TTC7B: variants seen among roughly 807,000 people sequenced by gnomAD.
TTC7B encodes tetratricopeptide repeat protein 7B.
Under a neutral mutation model 106.8 loss-of-function variants are expected in TTC7B, and 28 were observed. That is an observed-to-expected ratio of 0.26 (90% CI 0.19 to 0.36). The LOEUF is 0.36. Ranked by LOEUF, TTC7B falls within the 10% of genes least tolerant of loss-of-function variation. TTC7B has a pLI of 1.00. For synonymous variants in TTC7B, 405 were observed against 430.6 expected (o/e 0.94, Z 0.74); for missense variants, 862 against 1,076.4 (o/e 0.80, Z 2.79).
intron 4 of TTC7B, among the ~76,000 whole-genome samples, chr14:90,740,968 A>T (rs1335718142): frequency 1.3e-5 from 2 of 152,254 alleles, no homozygotes; most frequent in Non-Finnish European, 2.9e-5. Context: ...TGGGAGGCAC[A>T]TGAGTTAACC....
rs1889351200 is a variant in TTC7B, at chr14:90,533,983, C to T, written c.*7385G>A. The stretch of plus-strand genomic sequence containing the variant: ...ACCTGGCACACACCACCTCTGACAG[C>T]TGCCTGCAGACTCACATCTCAGCCC... On this transcript the variant is annotated 3_prime_UTR_variant, in exon 20 of 20. Coordinates refer to ENST00000328459, the MANE Select transcript of TTC7B (RefSeq NM_001010854.2). The T allele has an allele frequency of 6.6e-6, 1 of 152,332 alleles. No individual in the cohort carries two copies. The highest frequency in any genetic ancestry group is 2.4e-5 in the African/African-American group (1 of 41,464). 9.4% of individuals were successfully genotyped at this position (152,332 alleles called of 1,614,324 possible).
intron 4 of TTC7B, among the ~76,000 whole-genome samples, chr14:90,740,437 G>GA (rs1224582288): frequency 6.7e-6 from 1 of 150,238 alleles, no homozygotes; most frequent in African/African-American, 2.4e-5. Flanking sequence ...ACAAGAAAGG[G>GA]AAAAGCAAAT....
intron 1 of TTC7B, among the ~76,000 whole-genome samples, chr14:90,787,917 C>G (rs1330298786): frequency 6.6e-6 from 1 of 152,164 alleles, no homozygotes; most frequent in Non-Finnish European, 1.5e-5. Flanking sequence ...AATCCCAACA[C>G]TTTGGGAGGC....
chr14:90,598,379 AC>A (rs1158486848), intron 17 of TTC7B, among the ~76,000 whole-genome samples: 8 of 152,178 alleles, frequency 5.3e-5, no homozygotes, highest in Admixed American at 2.0e-4. Context: ...TATCTTGGAC[AC>A]CTGATACAGA....
At position 90,592,484 on chromosome 14, in the gene TTC7B, G is replaced by A. The variant is rs1285944432; in HGVS notation, c.2107+1002C>T. On this transcript the variant is annotated intron_variant, in intron 18 of 19. Coordinates refer to ENST00000328459, the MANE Select transcript of TTC7B (RefSeq NM_001010854.2). ...AGCAATTTGGGAGGCCAAGGTGGAC[G>A]GATCACCTGAGGTCAGGAGTTCGAG... Among the ~76,000 whole-genome samples, 7 of 152,158 alleles carry A rather than the reference G, an allele frequency of 4.6e-5. No individual in the cohort carries two copies. The South Asian group carries it at 8.3e-4, about 18-fold the overall frequency.
intron 5 of TTC7B, among the ~76,000 whole-genome samples, chr14:90,709,944 TTCTC>T (rs1888372485): frequency 7.2e-6 from 1 of 139,712 alleles, no homozygotes; most frequent in Non-Finnish European, 1.6e-5. Flanking sequence ...TTTTTATAGT[TTCTC>T]TTTCGTTAAA....
rs1257384923 is a variant in TTC7B, at chr14:90,526,889, C to T, written c.*14479G>A. 6.6e-6 allele frequency: 1 copy of T among 152,118 alleles called. No individual in the cohort carries two copies. Among genetic ancestry groups the T allele is most frequent in the Non-Finnish European group, 1.5e-5 (1 of 68,028 alleles). 9.4% of individuals were successfully genotyped at this position (152,118 alleles called of 1,614,324 possible). On this transcript the variant is annotated 3_prime_UTR_variant, in exon 20 of 20. Transcript: ENST00000328459. ...ATAAATTACCTAGTCTCGGGTATGTCTTTATTAGCTGCATGAGGACGTACT... is the reference window on the plus strand; with the variant it reads ...ATAAATTACCTAGTCTCGGGTATGTTTTTATTAGCTGCATGAGGACGTACT...
At chr14:90,555,253 C>T (rs1056440388) in intron 19 of TTC7B, among the ~76,000 whole-genome samples, 3 of 152,212 alleles carry the variant, frequency 2.0e-5, no homozygotes, top group Admixed American at 1.3e-4. Flanking sequence ...GGGGGAGAAG[C>T]TCCGAGGACA....
At chr14:90,692,529 A>C (rs931049541) in intron 6 of TTC7B, among the ~76,000 whole-genome samples, 1 of 152,258 alleles carries the variant, frequency 6.6e-6, no homozygotes, top group South Asian at 2.1e-4. Context: ...TCTAACGTCC[A>C]ATGTAAATCA....
At position 90,528,535 on chromosome 14, in the gene TTC7B, G is replaced by C. The variant is rs549672105; in HGVS notation, c.*12833C>G. 1 of 153,026 alleles carries C rather than the reference G, an allele frequency of 6.5e-6. No homozygotes were observed. Among genetic ancestry groups the C allele is most frequent in the Non-Finnish European group, 1.5e-5 (1 of 68,772 alleles). 9.5% of individuals were successfully genotyped at this position (153,026 alleles called of 1,614,324 possible). A position where few individuals can be genotyped will look rare whatever the true frequency, so the allele number is the denominator to read the frequency against. On this transcript the variant is annotated 3_prime_UTR_variant, in exon 20 of 20. Coordinates refer to ENST00000328459, the MANE Select transcript of TTC7B (RefSeq NM_001010854.2). The stretch of plus-strand genomic sequence containing the variant: ...TTACCCGTTTCTGATGGCATGACCC[G>C]ACTGCACTTTGTTACCTGTTTTGAT...
intron 5 of TTC7B, chr14:90,697,661 G>A (rs1240398955): frequency 6.6e-6 from 1 of 152,226 alleles, no homozygotes; most frequent in Non-Finnish European, 1.5e-5. Context: ...TCCAGTGAAT[G>A]CGGGTAATGC....
intron 3 of TTC7B, among the ~76,000 whole-genome samples, 195 bp downstream of exon 3, chr14:90,780,543 T>C (rs1891183937): frequency 6.6e-6 from 1 of 151,510 alleles, no homozygotes; most frequent in African/African-American, 2.4e-5. Context: ...TGACAGCTGA[T>C]GGCCACTGGC....
chr14:90,804,144 G>A (rs924473177), intron 1 of TTC7B, among the ~76,000 whole-genome samples: 28 of 152,100 alleles, frequency 1.8e-4, no homozygotes, highest in African/African-American at 6.3e-4. Context: ...GACCATCCTG[G>A]CTAACACGGT....
chr14:90,761,185 C>T (rs1890488098), intron 3 of TTC7B, among the ~76,000 whole-genome samples: 1 of 141,244 alleles, frequency 7.1e-6, no homozygotes, highest in Admixed American at 6.8e-5. Flanking sequence ...TGAAGGACCA[C>T]CAGGTTAGGA....
At chr14:90,797,466 A>G (rs963900792) in intron 1 of TTC7B, among the ~76,000 whole-genome samples, 9 of 150,572 alleles carry the variant, frequency 6.0e-5, no homozygotes, top group African/African-American at 9.7e-5. Context: ...TAAAGAAAAA[A>G]AAAGCCTCAG....
At chr14:90,634,149 C>G (rs1884825088) in intron 15 of TTC7B, among the ~76,000 whole-genome samples, 1 of 152,088 alleles carries the variant, frequency 6.6e-6, no homozygotes, top group Non-Finnish European at 1.5e-5. Context: ...AGTGCTGGGA[C>G]TATAGGCATG....
At chr14:90,764,046 C>T (rs1890593175) in intron 3 of TTC7B, among the ~76,000 whole-genome samples, 1 of 152,068 alleles carries the variant, frequency 6.6e-6, no homozygotes. Context: ...AACACACTCC[C>T]CAAACTCAAA....
At chr14:90,796,145 C>G (rs141815473) in intron 1 of TTC7B, among the ~76,000 whole-genome samples, 1,535 of 152,258 alleles carry the variant, frequency 0.01, 18 homozygotes, top group Non-Finnish European at 0.016. Flanking sequence ...TGACCCCGGC[C>G]CACTTAACCC....
At chr14:90,782,425 C>A (rs1422388202) in intron 2 of TTC7B, among the ~76,000 whole-genome samples, 1 of 152,064 alleles carries the variant, frequency 6.6e-6, no homozygotes, top group Non-Finnish European at 1.5e-5. Flanking sequence ...ATGGTGAAAC[C>A]CCATCTCTAC....
Sources: gnomAD v4.1 joint callset for allele counts (sites outside exome capture counted in the v4.1 genomes callset) on GRCh38, gnomAD v4.1.1 for gene constraint, MANE v1.5 for transcripts, NCBI Gene and HGNC (gene_info 2026-07-23, HGNC 2026-07-21) for gene names.